MRPS12: variants seen among roughly 807,000 people sequenced by gnomAD.
The protein encoded by MRPS12 is mitochondrial ribosomal protein S12, also known as small ribosomal subunit protein uS12m.
A neutral mutation model predicts 8.4 loss-of-function variants in MRPS12; 7 were observed. That is an observed-to-expected ratio of 0.83 (90% CI 0.47 to 1.56). The LOEUF (loss-of-function observed/expected upper bound fraction) is 1.56. Among genes scored for constraint, MRPS12 ranks in the 40% most tolerant of loss-of-function variants. The pLI is 0.01. For missense variants in MRPS12, 200 were observed against 194.1 expected (o/e 1.03, Z -0.18); for synonymous variants, 84 against 84.1 (o/e 1.00, Z 0.01).
rs750977311 is a variant in MRPS12 at position 38,932,726 on chromosome 19, G to A, written c.*26G>A. 2.6e-5 allele frequency: 41 copies of A among 1,605,560 alleles called. No individual in the cohort carries two copies. The highest frequency in any genetic ancestry group is 2.2e-4 in the Admixed American group (13 of 59,684). On this transcript the variant is annotated 3_prime_UTR_variant, in exon 3 of 3. Transcript: ENST00000308018. ...CGGCTGGGGGCACAGTGGGCTGGGC[G>A]CCCCTGCAGAACATGAACCTTCCGC...
At chr19:38,931,443 T>C in intron 2 of MRPS12, 100 bp downstream of exon 2, 1 of 1,210,548 alleles carries the variant, frequency 8.3e-7, no homozygotes, top group Non-Finnish European at 1.1e-6. Context: ...GAAACGGGGG[T>C]GGAAAAACAC....
chr19:38,932,206 A>G (rs1568432205), intron 2 of MRPS12, 127 bp from the exon 3 acceptor site: 2 of 874,618 alleles, frequency 2.3e-6, no homozygotes, highest in Admixed American at 3.1e-5. Flanking sequence ...TTGTCTGTAG[A>G]TAACATTAGA....
Position 38,932,623 on chromosome 19 carries a change from C to G in MRPS12, c.340C>G (p.Arg114Gly). 1 of 1,613,662 alleles carries G rather than the reference C, an allele frequency of 6.2e-7. No individual in the cohort carries two copies. The highest frequency in any genetic ancestry group is 8.5e-7 in the Non-Finnish European group (1 of 1,180,008). Residue 114 changes from arginine to glycine, a missense_variant, in exon 3 of 3, where the codon CGC becomes GGC. Coordinates refer to ENST00000308018, the MANE Select transcript of MRPS12 (RefSeq NM_033362.4). ...CCAGATTGTCCTTGTGGAGGGCGGC[C>G]GCACCCAGGACCTGCCAGGCGTCAA... ...EHQIVLVEGG[R>G]TQDLPGVKLT... is the part of the protein sequence containing the mutation.
Position 38,932,695 on chromosome 19 carries a change from A to G in MRPS12, c.412A>G (p.Lys138Glu), listed in dbSNP as rs748357360. 16 of 1,611,318 alleles carry G rather than the reference A, an allele frequency of 9.9e-6. No homozygotes were observed. In the African/African-American group the frequency reaches 1.9e-4, roughly 19 times the overall value. Reference sequence around the variant, plus strand: ...GTACGACTGTGGCCACGTGCAGAAGAAGTGACGGCTGGGGGCACAGTGGGC... The same window carrying G: ...GTACGACTGTGGCCACGTGCAGAAGGAGTGACGGCTGGGGGCACAGTGGGC... ...GKYDCGHVQK[K>E] The change falls in exon 3 of 3, where the codon AAG becomes GAG. Residue 138 changes from lysine to glutamate, a missense_variant. Lys to Glu is a moderately conservative substitution (Grantham distance 56). Coordinates refer to ENST00000308018, the MANE Select transcript of MRPS12 (RefSeq NM_033362.4).
chr19:38,932,184 A>G, intron 2 of MRPS12, 149 bp from the exon 3 acceptor site: 1 of 688,190 alleles, frequency 1.5e-6, no homozygotes. Context: ...CTTGAAGAAT[A>G]AAGAGTTACT....
In MRPS12 at chr19:38,932,528, G is replaced by C. The variant is rs769934682; in HGVS notation, c.245G>C (p.Arg82Pro). The stretch of plus-strand genomic sequence containing the variant: ...AACTCAGCCAATCGCAAGTGCTGTC[G>C]AGTGCGGCTCAGCACTGGCCGCGAG... The part of the protein sequence containing the change: ...KPNSANRKCC[R>P]VRLSTGREAV... Residue 82 changes from arginine to proline, a missense_variant, in exon 3 of 3, where the codon CGA (arginine) becomes CCA (proline). By Grantham distance (103) the Arg-to-Pro change is moderately radical. Coordinates refer to ENST00000308018, the MANE Select transcript of MRPS12 (RefSeq NM_033362.4). The C allele has an allele frequency of 6.2e-7, 1 of 1,613,042 alleles. No individual in the cohort carries two copies. The highest frequency in any genetic ancestry group is 8.5e-7 in the Non-Finnish European group (1 of 1,179,308).
chr19:38,931,378 A>C, intron 2 of MRPS12, 35 bp downstream of exon 2: 1 of 1,552,326 alleles, frequency 6.4e-7, no homozygotes, highest in Non-Finnish European at 8.7e-7. Context: ...GGACGAGGCT[A>C]GAGGGGGAGG....
Position 38,932,316 on chromosome 19 carries a change from C to G in MRPS12, c.50-17C>G. ...GATCTGTTCTCTGGGATAATAACCCCTTTCGGCCCTCTCCAGGCCCAGCTC... is the reference window on the plus strand; with the variant it reads ...GATCTGTTCTCTGGGATAATAACCCGTTTCGGCCCTCTCCAGGCCCAGCTC... On this transcript the variant is annotated splice_polypyrimidine_tract_variant and intron_variant, in intron 2 of 2. Coordinates refer to ENST00000308018, the MANE Select transcript of MRPS12 (RefSeq NM_033362.4). The G allele has an allele frequency of 6.6e-7, 1 of 1,509,154 alleles. No homozygotes were observed. Among genetic ancestry groups the G allele is most frequent in the South Asian group, 1.3e-5 (1 of 75,966 alleles). 93.5% of individuals were successfully genotyped at this position (1,509,154 alleles called of 1,614,324 possible).
Position 38,932,556 on chromosome 19 carries a change from C to T in MRPS12, c.273C>T (p.Ala91=), listed in dbSNP as rs778541149. The change falls in exon 3 of 3, where the codon GCC becomes GCT. Residue 91 remains alanine, a synonymous_variant. Transcript: ENST00000308018. ...TGCGGCTCAGCACTGGCCGCGAGGC[C>T]GTCTGCTTCATCCCTGGGGAGGGCC... ...CRVRLSTGRE[A]VCFIPGEGHT... is the part of the protein sequence containing the mutation. The T allele has an allele frequency of 7.4e-6, 12 of 1,613,108 alleles. No homozygotes were observed. The East Asian group carries it at 1.1e-4, about 15-fold the overall frequency.
rs1974789926 is a variant in MRPS12, at chr19:38,932,910, C to G, written c.*210C>G. ...TGCCCCTCTGTCAACACCCTTGGCT[C>G]CTGTGTTTAGAGGGGTGGCCTGAAG... On this transcript the variant is annotated 3_prime_UTR_variant, in exon 3 of 3. Transcript: ENST00000308018. The G allele has an allele frequency of 1.0e-5, 7 of 676,774 alleles. No individual in the cohort carries two copies. Among genetic ancestry groups the G allele is most frequent in the Non-Finnish European group, 1.7e-5 (7 of 413,566 alleles). The allele number at this position is 676,774 out of a possible 1,614,324, so 41.9% of individuals were successfully genotyped here.
intron 1 of MRPS12, 112 bp from the exon 2 acceptor site, chr19:38,931,164 C>T (rs931702269): frequency 7.2e-6 from 6 of 836,132 alleles, no homozygotes; most frequent in African/African-American, 5.2e-5. Context: ...GTGGTTAGAC[C>T]TATAGAGGTA....
At chr19:38,931,415 TCCG>T in intron 2 of MRPS12, 72 bp downstream of exon 2, 2 of 1,404,718 alleles carry the variant, frequency 1.4e-6, no homozygotes, top group Non-Finnish European at 1.9e-6. Context: ...CTTGTGTGCC[TCCG>T]TCGGAGCCCC....
At chr19:38,931,375 G>A (rs747996123) in intron 2 of MRPS12, 32 bp downstream of exon 2, 2 of 1,554,592 alleles carry the variant, frequency 1.3e-6, no homozygotes, top group South Asian at 1.2e-5. Context: ...CAGGGACGAG[G>A]CTAGAGGGGG....
In MRPS12 at chr19:38,932,421, T is replaced by C. The variant is rs748764794; in HGVS notation, c.138T>C (p.Pro46=). 6.8e-6 allele frequency: 11 copies of C among 1,609,922 alleles called. No individual in the cohort carries two copies. In the East Asian group the frequency reaches 2.5e-4, roughly 36 times the overall value. ...GCCTGGGGCCCCCCAAGCGGCCGCC[T>C]CGGAAGCTGGGCCCCACGGAAGGCC... ...MHRLGPPKRP[P]RKLGPTEGRP... Residue 46 remains proline, a synonymous_variant, in exon 3 of 3, where the codon CCT becomes CCC. Transcript: ENST00000308018.
Position 38,932,583 on chromosome 19 carries a change from C to A in MRPS12, c.300C>A (p.His100Gln). The A allele has an allele frequency of 6.2e-7, 1 of 1,613,666 alleles. No individual in the cohort carries two copies. Among genetic ancestry groups the A allele is most frequent in the Non-Finnish European group, 8.5e-7 (1 of 1,179,920 alleles). Residue 100 changes from histidine to glutamine, a missense_variant, in exon 3 of 3, where the codon CAC becomes CAA. His to Gln is a conservative substitution (Grantham distance 24, BLOSUM62 0). Transcript: ENST00000308018. The stretch of plus-strand genomic sequence containing the variant: ...TCTGCTTCATCCCTGGGGAGGGCCA[C>A]ACCCTGCAGGAGCACCAGATTGTCC... ...EAVCFIPGEG[H>Q]TLQEHQIVLV... is the part of the protein sequence containing the mutation.
In MRPS12 at chr19:38,932,792, C is replaced by G; in HGVS notation, c.*92C>G. 6.6e-7 allele frequency: 1 copy of G among 1,507,602 alleles called. No homozygotes were observed. The highest frequency in any genetic ancestry group is 8.9e-7 in the Non-Finnish European group (1 of 1,125,526). 93.4% of individuals were successfully genotyped at this position (1,507,602 alleles called of 1,614,324 possible). On this transcript the variant is annotated 3_prime_UTR_variant, in exon 3 of 3. Transcript: ENST00000308018. ...GGTCCTCCGATGCTGGCCTTTGCGC[C>G]TCTAGAGGCAGCCACTCATGGATTC...
intron 2 of MRPS12, among the ~76,000 whole-genome samples, 163 bp from the exon 3 acceptor site, chr19:38,932,170 C>T (rs922472558): frequency 2.0e-5 from 3 of 151,066 alleles, no homozygotes; most frequent in Non-Finnish European, 3.0e-5. Flanking sequence ...AAAGGTAATG[C>T]TTCCTTGAAG....
At chr19:38,931,131 TTC>T (rs1392067761) in intron 1 of MRPS12, 133 bp downstream of exon 1, 3 of 730,778 alleles carry the variant, frequency 4.1e-6, no homozygotes, top group African/African-American at 1.8e-5. Context: ...CGGAGGGACT[TTC>T]TGTTAGCAGC....
rs1974791389 is a variant in MRPS12, at chr19:38,932,984, G to A, written c.*284G>A. The A allele has an allele frequency of 2.5e-6, 1 of 393,682 alleles. No individual in the cohort carries two copies. Among genetic ancestry groups the A allele is most frequent in the South Asian group, 3.8e-5 (1 of 26,524 alleles). The allele number at this position is 393,682 out of a possible 1,614,324, so 24.4% of individuals were successfully genotyped here. A position where few individuals can be genotyped will look rare whatever the true frequency, so the allele number is the denominator to read the frequency against. On this transcript the variant is annotated 3_prime_UTR_variant, in exon 3 of 3. Transcript: ENST00000308018. ...ACTGTACTGCCCTCTGCTGGGAAGG[G>A]GTTTTAATAAACAGACCCTGGCGCT...
Sources: allele counts gnomAD v4.1 joint callset (sites outside exome capture counted in the v4.1 genomes callset), GRCh38; gene constraint gnomAD v4.1.1; transcripts MANE v1.5; gene names NCBI Gene and HGNC (gene_info 2026-07-23, HGNC 2026-07-21).